Variants in EQTN observed in about 807,000 individuals in gnomAD.
EQTN encodes the protein equatorin, also known as Acrosome formation associated factor.
EQTN carries 29 observed loss-of-function variants against 26.9 expected under a neutral mutation model. The observed-to-expected ratio is 1.08, with a 90% CI of 0.80 to 1.47. The LOEUF (loss-of-function observed/expected upper bound fraction) is 1.47, where lower values mean the gene tolerates loss of function less well. Among genes scored for constraint, EQTN ranks in the 40% most tolerant of loss-of-function variants. EQTN has a pLI of 0.00. For missense variants in EQTN, 391 were observed against 346.1 expected (o/e 1.13, Z -1.03); for synonymous variants, 129 against 120.0 (o/e 1.07, Z -0.49).
chr9:27,287,769 TC>T (rs1184740279), intron 6 of EQTN, among the ~76,000 whole-genome samples: 1 of 152,232 alleles, frequency 6.6e-6, no homozygotes, highest in Non-Finnish European at 1.5e-5. Context: ...TTATAACTTT[TC>T]TAAACAAAGA....
At chr9:27,289,890 T>G (rs1465985216) in intron 5 of EQTN, among the ~76,000 whole-genome samples, 159 bp from the exon 6 acceptor site, 1 of 152,234 alleles carries the variant, frequency 6.6e-6, no homozygotes, top group Non-Finnish European at 1.5e-5. Context: ...AACACTGTAT[T>G]AACGAATACT....
chr9:27,286,092 G>A (rs1222634963), intron 7 of EQTN, 117 bp downstream of exon 7: 4 of 1,019,438 alleles, frequency 3.9e-6, no homozygotes, highest in East Asian at 2.5e-5. Flanking sequence ...GAATCAATTT[G>A]AATGTCGTAT....
chr9:27,286,168 C>T (rs1416434654), intron 7 of EQTN, 41 bp downstream of exon 7: 2 of 1,591,398 alleles, frequency 1.3e-6, no homozygotes, highest in South Asian at 1.1e-5. Flanking sequence ...AATGCGATGT[C>T]ATGCATTTGT....
chr9:27,285,080 G>T, intron 7 of EQTN, 108 bp from the exon 8 acceptor site: 10 of 609,762 alleles, frequency 1.6e-5, no homozygotes, highest in Non-Finnish European at 2.4e-5. Context: ...TGCCCAAAGT[G>T]TTAGTTACTT....
chr9:27,293,126 G>A (rs376535584), intron 3 of EQTN, among the ~76,000 whole-genome samples: 2 of 152,150 alleles, frequency 1.3e-5, no homozygotes, highest in East Asian at 3.9e-4. Flanking sequence ...AGTTCCATAC[G>A]GAGTACAGGG....
chr9:27,286,662 A>T (rs541537598), intron 6 of EQTN, among the ~76,000 whole-genome samples: 40 of 152,360 alleles, frequency 2.6e-4, no homozygotes, highest in African/African-American at 9.1e-4. Context: ...GCTGGTTGCA[A>T]ATCCGGGTTA....
rs186257897 is a variant in EQTN, at chr9:27,285,249, T to C, written c.636-277A>G. Among the ~76,000 whole-genome samples, 860 of 145,106 alleles carry C rather than the reference T, an allele frequency of 5.9e-3. 8 individuals carry two copies. Among genetic ancestry groups the C allele is most frequent in the African/African-American group, 0.021 (832 of 39,590 alleles). On this transcript the variant is annotated intron_variant, in intron 7 of 7. Coordinates refer to ENST00000380032, the MANE Select transcript of EQTN (RefSeq NM_020641.3). ...ACCTCCGCCTCCCAGGGGCACGCGA[T>C]TCTCCTGCCTCAGCCTCCCGAGTAG...
At chr9:27,285,687 T>C (rs1781925315) in intron 7 of EQTN, among the ~76,000 whole-genome samples, 1 of 152,246 alleles carries the variant, frequency 6.6e-6, no homozygotes, top group Non-Finnish European at 1.5e-5. Flanking sequence ...ATGATCATTA[T>C]GAACATTAAG....
At chr9:27,289,863 T>C in intron 5 of EQTN, 132 bp from the exon 6 acceptor site, 1 of 574,870 alleles carries the variant, frequency 1.7e-6, no homozygotes, top group Non-Finnish European at 2.8e-6. Flanking sequence ...GGCAGTTATA[T>C]TCTATAAAGT....
chr9:27,289,556 C>T (rs1261363174), intron 6 of EQTN, 116 bp downstream of exon 6: 16 of 703,748 alleles, frequency 2.3e-5, no homozygotes, highest in Non-Finnish European at 2.7e-5. Flanking sequence ...TGTCATGTTG[C>T]CCAGGCTGGT....
chr9:27,288,724 T>C (rs561586761), intron 6 of EQTN, among the ~76,000 whole-genome samples: 4 of 152,318 alleles, frequency 2.6e-5, no homozygotes, highest in Admixed American at 6.5e-5. Context: ...GAATCTTAAA[T>C]GCATATTGCT....
chr9:27,289,615 G>T, intron 6 of EQTN, 57 bp downstream of exon 6: 4 of 1,443,664 alleles, frequency 2.8e-6, no homozygotes, highest in Non-Finnish European at 2.9e-6. Context: ...CTCCCAAAGT[G>T]CTGGGATTAT....
chr9:27,289,784 T>A, intron 5 of EQTN, 53 bp from the exon 6 acceptor site: 3 of 1,429,590 alleles, frequency 2.1e-6, no homozygotes, highest in Middle Eastern at 3.6e-4. Flanking sequence ...CTAAAATTAT[T>A]GCCTGTGTAT....
At chr9:27,295,724 C>T (rs962759209) in intron 2 of EQTN, among the ~76,000 whole-genome samples, 2 of 147,522 alleles carry the variant, frequency 1.4e-5, no homozygotes, top group Non-Finnish European at 1.5e-5. Flanking sequence ...CCCAGCTACT[C>T]AGGAGGCTGA....
rs771157053 is a variant in EQTN, at chr9:27,297,101, G to A, written c.-46C>T. The A allele has an allele frequency of 2.2e-5, 31 of 1,394,460 alleles. No individual in the cohort carries two copies. Among genetic ancestry groups the A allele is most frequent in the Non-Finnish European group, 1.0e-6 (1 of 1,000,340 alleles). The allele number at this position is 1,394,460 out of a possible 1,614,324, so 86.4% of individuals were successfully genotyped here. The stretch of plus-strand genomic sequence containing the variant: ...TCCAGTAATCTAGTGCGTCTACCCA[G>A]AGCCTCCTTTCTGTGGCCCAGCAGG... On this transcript the variant is annotated 5_prime_UTR_variant, in exon 1 of 8. Transcript: ENST00000380032.
Position 27,285,060 on chromosome 9 carries a change from A to G in EQTN, c.636-88T>C. The G allele has an allele frequency of 3.2e-6, 4 of 1,250,016 alleles. No individual in the cohort carries two copies. In the South Asian group the frequency reaches 6.4e-5, roughly 20 times the overall value. 77.4% of individuals were successfully genotyped at this position (1,250,016 alleles called of 1,614,324 possible). A position where few individuals can be genotyped will look rare whatever the true frequency, so the allele number is the denominator to read the frequency against. Reference sequence around the variant, plus strand: ...TAGAAAAGCATTCAAAAATTAAAATATACGAATTTTGCCCAAAGTGTTAGT... The same window carrying G: ...TAGAAAAGCATTCAAAAATTAAAATGTACGAATTTTGCCCAAAGTGTTAGT... On this transcript the variant is annotated intron_variant, in intron 7 of 7. Coordinates refer to ENST00000380032, the MANE Select transcript of EQTN (RefSeq NM_020641.3).
chr9:27,294,817 T>C (rs10967865), intron 2 of EQTN, among the ~76,000 whole-genome samples: 73 of 152,302 alleles, frequency 4.8e-4, no homozygotes, highest in Admixed American at 1.1e-3. Flanking sequence ...TTAAAAAGCA[T>C]ATCATTTGAT....
chr9:27,290,306 C>T (rs1468515343), intron 5 of EQTN, among the ~76,000 whole-genome samples: 2 of 131,056 alleles, frequency 1.5e-5, no homozygotes, highest in African/African-American at 6.3e-5. Flanking sequence ...CAGAATATTG[C>T]CTTGTTCTAC....
At chr9:27,291,180 A>G (rs1820228271) in intron 4 of EQTN, 117 bp from the exon 5 acceptor site, 1 of 859,880 alleles carries the variant, frequency 1.2e-6, no homozygotes, top group Non-Finnish European at 1.7e-6. Context: ...TTGAGCTCCT[A>G]TAATGTGTCA....
Sources: gnomAD v4.1 joint callset for allele counts (sites outside exome capture counted in the v4.1 genomes callset) on GRCh38, gnomAD v4.1.1 for gene constraint, MANE v1.5 for transcripts, NCBI Gene and HGNC (gene_info 2026-07-23, HGNC 2026-07-21) for gene names.